The following FMN1 variants were observed in gnomAD, a reference collection of about 807,000 sequenced individuals.
The protein encoded by FMN1 is formin 1, also known as formin-1.
Under a neutral mutation model 132.4 loss-of-function variants are expected in FMN1, and 110 were observed. The ratio of observed to expected loss-of-function variants is 0.83; its 90% CI spans 0.71 to 0.97. The LOEUF is 0.97. Ranked by LOEUF, FMN1 falls within the 50% of genes least tolerant of loss-of-function variation. The probability of loss-of-function intolerance (pLI) is 0.00; values close to 1 mark genes in which losing one functional copy is unlikely to be tolerated. For missense variants in FMN1, 1,792 were observed against 1,705.3 expected (o/e 1.05, Z -0.90); for synonymous variants, 722 against 651.7 (o/e 1.11, Z -1.64).
chr15:33,067,062 C>T, intron 5 of FMN1: 1 of 1,613,998 alleles, frequency 6.2e-7, no homozygotes. Flanking sequence ...CTGAAAAAAG[C>T]TGGAAGTTGG....
intron 2 of FMN1, among the ~76,000 whole-genome samples, chr15:33,184,210 TTA>T (rs776166145): frequency 2.2e-4 from 33 of 152,326 alleles, no homozygotes; most frequent in Non-Finnish European, 3.7e-4. Flanking sequence ...TGAAATGATA[TTA>T]CCTAAGGTTA....
intron 7 of FMN1, among the ~76,000 whole-genome samples, chr15:32,983,641 G>C (rs879141845): frequency 1.3e-5 from 2 of 151,982 alleles, no homozygotes; most frequent in African/African-American, 4.8e-5. Context: ...TCCACAGCAA[G>C]ATTCTGTCTG....
chr15:32,890,443 T>C (rs1393097449), intron 15 of FMN1, among the ~76,000 whole-genome samples: 1 of 152,198 alleles, frequency 6.6e-6, no homozygotes, highest in Non-Finnish European at 1.5e-5. Context: ...TGTTTTCTGA[T>C]TTTTTGATTA....
Position 33,064,991 on chromosome 15 carries a change from T to G in FMN1, c.2127A>C (p.Thr709=). 6.2e-7 allele frequency: 1 copy of G among 1,612,328 alleles called. No homozygotes were observed. Among genetic ancestry groups the G allele is most frequent in the Non-Finnish European group, 8.5e-7 (1 of 1,179,212 alleles). ...AVWPPPKTKD[T]EEKVGLKYTE... ...TGTACTTCAGTCCCACTTTTTCTTCTGTGTCTTTTGTCTTTGGGGGTGGCC... is the reference window on the plus strand; with the variant it reads ...TGTACTTCAGTCCCACTTTTTCTTCGGTGTCTTTTGTCTTTGGGGGTGGCC... Residue 709 remains threonine, a synonymous_variant, in exon 6 of 21, where the codon ACA becomes ACC. Transcript: ENST00000616417.
At position 32,963,923 on chromosome 15, in the gene FMN1, T is replaced by TCTCA. The variant is rs145566633; in HGVS notation, c.3138+183_3138+184insTGAG. Among the ~76,000 whole-genome samples the TCTCA allele has an allele frequency of 3.5e-5, 5 of 143,788 alleles. No homozygotes were observed. The East Asian group carries it at 1.0e-3, about 29-fold the overall frequency. The allele number at this position is 143,788 out of a possible 152,430, so 94.3% of individuals were successfully genotyped here. A position where few individuals can be genotyped will look rare whatever the true frequency, so the allele number is the denominator to read the frequency against. ...ACAGCATGTAATGAATTCCTATGAA[T>TCTCA]CACACACACACACACACACACACAG... On this transcript the variant is annotated intron_variant, in intron 9 of 20. Coordinates refer to ENST00000616417, the MANE Select transcript of FMN1 (RefSeq NM_001277313.2).
chr15:33,000,798 C>A (rs371825786), intron 7 of FMN1, among the ~76,000 whole-genome samples: 7 of 152,122 alleles, frequency 4.6e-5, no homozygotes, highest in African/African-American at 9.7e-5. Context: ...CTTCCCTGTA[C>A]GTGGTAAAGC....
At chr15:32,940,929 G>A (rs11072072) in intron 9 of FMN1, among the ~76,000 whole-genome samples, 13,000 of 152,012 alleles carry the variant, frequency 0.086, 878 homozygotes, top group African/African-American at 0.18. Flanking sequence ...GACGTTAGTG[G>A]GATTCCTGAC....
At chr15:33,128,585 G>A (rs148697936) in intron 4 of FMN1, among the ~76,000 whole-genome samples, 15 of 152,304 alleles carry the variant, frequency 9.8e-5, no homozygotes, top group African/African-American at 3.6e-4. Flanking sequence ...TGCGTTCGTG[G>A]TCTAACTTCA....
At chr15:33,068,090 A>G (rs1269287491) in intron 5 of FMN1, 2 of 1,338,854 alleles carry the variant, frequency 1.5e-6, no homozygotes, top group African/African-American at 1.5e-5. Context: ...TTCCAGGGCA[A>G]CTGTGAAAAA....
At chr15:33,115,529 T>C (rs2039891064) in intron 4 of FMN1, among the ~76,000 whole-genome samples, 1 of 145,356 alleles carries the variant, frequency 6.9e-6, no homozygotes, top group African/African-American at 2.6e-5. Flanking sequence ...CACACAAACT[T>C]GCTGTCTTGC....
chr15:33,002,778 C>T (rs971278037), intron 7 of FMN1, among the ~76,000 whole-genome samples: 3 of 152,174 alleles, frequency 2.0e-5, no homozygotes, highest in Non-Finnish European at 2.9e-5. Context: ...CTAGTTCAAT[C>T]TTTAAAACAC....
At position 33,032,080 on chromosome 15, in the gene FMN1, G is replaced by A. The variant is rs550483091; in HGVS notation, c.2162-24005C>T. 5.9e-5 allele frequency among the ~76,000 whole-genome samples: 9 copies of A among 152,244 alleles called. 1 individual carries two copies. The highest frequency in any genetic ancestry group is 2.1e-4 in the South Asian group (1 of 4,824). ...TTAACAGTTATCGTATGTGTTCTAC[G>A]AACCAGGAATTGTGCTAAGCATTTT... On this transcript the variant is annotated intron_variant, in intron 6 of 20. Coordinates refer to ENST00000616417, the MANE Select transcript of FMN1 (RefSeq NM_001277313.2).
chr15:32,983,472 T>A (rs1289282703), intron 7 of FMN1, among the ~76,000 whole-genome samples: 1 of 152,194 alleles, frequency 6.6e-6, no homozygotes, highest in South Asian at 2.1e-4. Flanking sequence ...AAACCTCAGA[T>A]GGTACACTTA....
intron 7 of FMN1, among the ~76,000 whole-genome samples, chr15:32,969,986 G>A (rs1014505502): frequency 2.0e-5 from 3 of 152,200 alleles, no homozygotes; most frequent in Non-Finnish European, 4.4e-5. Context: ...AAGGGAAGAA[G>A]CCACGATAAC....
intron 16 of FMN1, among the ~76,000 whole-genome samples, chr15:32,876,347 C>T (rs2059637330): frequency 6.6e-6 from 1 of 152,046 alleles, no homozygotes; most frequent in Non-Finnish European, 1.5e-5. Context: ...GTATAGAAGG[C>T]CAGGGGAAAC....
rs200146573 is a variant in FMN1, at chr15:33,067,005, T to C, written c.2044-1931A>G. 8.7e-5 allele frequency: 141 copies of C among 1,613,918 alleles called. No individual in the cohort carries two copies. The African/African-American group carries it at 1.8e-3, about 21-fold the overall frequency. On this transcript the variant is annotated intron_variant, in intron 5 of 20. Coordinates refer to ENST00000616417, the MANE Select transcript of FMN1 (RefSeq NM_001277313.2). Reference sequence around the variant, plus strand: ...TCCTTTGGTTTAATTTCCGTGATGGTCTCTCCTCCCTCAGCGGTAGCCCCC... The same window carrying C: ...TCCTTTGGTTTAATTTCCGTGATGGCCTCTCCTCCCTCAGCGGTAGCCCCC...
intron 20 of FMN1, 61 bp downstream of exon 20, chr15:32,776,774 T>C (rs1233618154): frequency 5.9e-6 from 6 of 1,017,444 alleles, no homozygotes; most frequent in Non-Finnish European, 9.0e-6. Flanking sequence ...GCTTTAGCCC[T>C]TCCTGGGCGC....
chr15:33,069,156 GACAAA>G (rs1236121356), intron 5 of FMN1, among the ~76,000 whole-genome samples: 6 of 152,198 alleles, frequency 3.9e-5, no homozygotes, highest in Admixed American at 1.3e-4. Context: ...AAACAGGACA[GACAAA>G]ACAACCTCCA....
chr15:33,020,140 G>T (rs1013143603), intron 6 of FMN1, among the ~76,000 whole-genome samples: 2 of 152,206 alleles, frequency 1.3e-5, no homozygotes, highest in African/African-American at 4.8e-5. Context: ...ACTTGAAGTT[G>T]GTCAGTCAGA....
Sources: allele counts gnomAD v4.1 joint callset (sites outside exome capture counted in the v4.1 genomes callset), GRCh38; gene constraint gnomAD v4.1.1; transcripts MANE v1.5; gene names NCBI Gene and HGNC (gene_info 2026-07-23, HGNC 2026-07-21).